Variants in BTBD9 observed in about 807,000 individuals in gnomAD.
BTBD9 encodes BTB/POZ domain-containing protein 9.
A neutral mutation model predicts 64.3 loss-of-function variants in BTBD9; 49 were observed. The ratio of observed to expected loss-of-function variants is 0.76; its 90% confidence interval spans 0.61 to 0.97. The LOEUF (loss-of-function observed/expected upper bound fraction) is 0.97, where lower values mean the gene tolerates loss of function less well. Among genes scored for constraint, BTBD9 ranks in the 50% least tolerant of loss-of-function variants. BTBD9 has a pLI of 0.00. For missense variants in BTBD9, 598 were observed against 762.1 expected, an observed-to-expected ratio of 0.78 and a Z score of 2.53; for synonymous variants, 260 against 274.7, an observed-to-expected ratio of 0.95 and a Z score of 0.53.
chr6:38,615,805 G>A (rs1489746189), intron 1 of BTBD9, among the ~76,000 whole-genome samples: 1 of 152,202 alleles, frequency 6.6e-6, no homozygotes, highest in Non-Finnish European at 1.5e-5. Flanking sequence ...CAATACCTGT[G>A]TGAATGCTTA....
intron 1 of BTBD9, among the ~76,000 whole-genome samples, chr6:38,619,898 A>C (rs1467673765): frequency 6.6e-6 from 1 of 152,196 alleles, no homozygotes; most frequent in Non-Finnish European, 1.5e-5. Flanking sequence ...GGAGGGACAT[A>C]TTAGCCAAAG....
chr6:38,407,176 T>C (rs1248102983), intron 6 of BTBD9, among the ~76,000 whole-genome samples: 1 of 152,258 alleles, frequency 6.6e-6, no homozygotes, highest in Non-Finnish European at 1.5e-5. Context: ...ACATCTTAAC[T>C]GTTTAAACTT....
chr6:38,634,822 A>G (rs1778476353), intron 1 of BTBD9, among the ~76,000 whole-genome samples: 1 of 152,236 alleles, frequency 6.6e-6, no homozygotes, highest in Non-Finnish European at 1.5e-5. Flanking sequence ...GCATTATAAT[A>G]GATTCTGGAG....
At chr6:38,509,472 T>C (rs1025084762) in intron 6 of BTBD9, among the ~76,000 whole-genome samples, 2 of 152,200 alleles carry the variant, frequency 1.3e-5, no homozygotes, top group Non-Finnish European at 2.9e-5. Flanking sequence ...TTATAAATAC[T>C]GGCTGGAAAG....
chr6:38,225,995 G>A (rs989237017), intron 9 of BTBD9, among the ~76,000 whole-genome samples: 1 of 152,238 alleles, frequency 6.6e-6, no homozygotes, highest in Non-Finnish European at 1.5e-5. Context: ...GCCAAAGGTG[G>A]ATTAGCTTCT....
chr6:38,572,632 T>C (rs1033041164), intron 6 of BTBD9, among the ~76,000 whole-genome samples: 1 of 152,112 alleles, frequency 6.6e-6, no homozygotes, highest in Non-Finnish European at 1.5e-5. Context: ...CAGCTCATCA[T>C]AAATATGGCT....
chr6:38,189,098 G>A (rs1177516192), intron 10 of BTBD9, among the ~76,000 whole-genome samples: 2 of 152,230 alleles, frequency 1.3e-5, no homozygotes, highest in Non-Finnish European at 2.9e-5. Context: ...GCTCCATAGT[G>A]AGAGAGGTAC....
rs201354247 is a variant in BTBD9 at position 38,435,572 on chromosome 6, TTTCCTTCC to T, written c.1155-90487_1155-90480del. The stretch of plus-strand genomic sequence containing the variant: ...AGACCTACTTTTCTTTCTTTCCTTC[TTTCCTTCC>T]TTCTTTCTTTTCTTTTCCCTCCCTT... On this transcript the variant is annotated intron_variant, in intron 6 of 10. Transcript: ENST00000481247. 2.9e-4 allele frequency among the ~76,000 whole-genome samples: 43 copies of T among 150,418 alleles called. 3 individuals are homozygous for T. In the South Asian group the frequency reaches 8.7e-3, roughly 30 times the overall value.
chr6:38,596,319 G>C (rs936847497), intron 2 of BTBD9, among the ~76,000 whole-genome samples: 1 of 152,122 alleles, frequency 6.6e-6, no homozygotes, highest in Non-Finnish European at 1.5e-5. Context: ...GTCAATAAGC[G>C]GGGGGAGTAT....
chr6:38,533,531 T>C (rs1073900), intron 6 of BTBD9, among the ~76,000 whole-genome samples: 31,204 of 152,206 alleles, frequency 0.21, 3,686 homozygotes, highest in Non-Finnish European at 0.29. Context: ...TCTGCACTTA[T>C]AGACCAAATG....
At chr6:38,507,613 A>C (rs1341493386) in intron 6 of BTBD9, among the ~76,000 whole-genome samples, 1 of 152,076 alleles carries the variant, frequency 6.6e-6, no homozygotes, top group Non-Finnish European at 1.5e-5. Flanking sequence ...TTTCCTTCTC[A>C]AAAAGTTCTC....
At chr6:38,574,523 G>A (rs1775938912) in intron 6 of BTBD9, among the ~76,000 whole-genome samples, 1 of 152,106 alleles carries the variant, frequency 6.6e-6, no homozygotes, top group South Asian at 2.1e-4. Context: ...AGGATGGCAG[G>A]GATGACTCTC....
chr6:38,622,240 G>A (rs1778009843), intron 1 of BTBD9, among the ~76,000 whole-genome samples: 1 of 152,208 alleles, frequency 6.6e-6, no homozygotes, highest in Non-Finnish European at 1.5e-5. Context: ...ACTATCCCGG[G>A]GAGCACTGGC....
chr6:38,589,517 C>T (rs1776700179), intron 4 of BTBD9, among the ~76,000 whole-genome samples: 1 of 152,170 alleles, frequency 6.6e-6, no homozygotes, highest in Non-Finnish European at 1.5e-5. Context: ...CTTCACTTGC[C>T]ATCCTCCCAC....
chr6:38,630,643 AAAC>A (rs1201564821), intron 1 of BTBD9, among the ~76,000 whole-genome samples: 1 of 152,240 alleles, frequency 6.6e-6, no homozygotes, highest in Non-Finnish European at 1.5e-5. Flanking sequence ...TTAAAATTAA[AAAC>A]TAGAATAAAA....
intron 6 of BTBD9, among the ~76,000 whole-genome samples, chr6:38,570,445 T>G (rs968150601): frequency 6.6e-6 from 1 of 152,198 alleles, no homozygotes; most frequent in East Asian, 1.9e-4. Context: ...TACAGGACTA[T>G]TGTAAGAATT....
At chr6:38,314,625 C>T (rs905699500) in intron 7 of BTBD9, among the ~76,000 whole-genome samples, 7 of 151,844 alleles carry the variant, frequency 4.6e-5, no homozygotes, top group Non-Finnish European at 8.8e-5. Flanking sequence ...TCTTTTCTTT[C>T]TTTGGGAGAC....
At chr6:38,285,846 G>A (rs1761708113) in intron 8 of BTBD9, among the ~76,000 whole-genome samples, 1 of 152,048 alleles carries the variant, frequency 6.6e-6, no homozygotes, top group Non-Finnish European at 1.5e-5. Flanking sequence ...GGCTATCAGG[G>A]GTGCCAGAAG....
rs1562457086 is a variant in BTBD9 at position 38,639,908 on chromosome 6, T to TCGCCGCCGCCCC, written c.-148_-137dup. On this transcript the variant is annotated 5_prime_UTR_variant, in exon 1 of 11. Transcript: ENST00000481247. ...TTGGCCGCTTCCGTGGCCGCCGTCC[T>TCGCCGCCGCCCC]CGCCGCCGCCCCGGCTGCTGCGGCG... 1 of 152,328 alleles carries TCGCCGCCGCCCC rather than the reference T, an allele frequency of 6.6e-6. No homozygotes were observed. The highest frequency in any genetic ancestry group is 1.5e-5 in the Non-Finnish European group (1 of 68,240). 9.4% of individuals were successfully genotyped at this position (152,328 alleles called of 1,614,324 possible). A position where few individuals can be genotyped will look rare whatever the true frequency, so the allele number is the denominator to read the frequency against.
Sources: allele counts gnomAD v4.1 joint callset (sites outside exome capture counted in the v4.1 genomes callset), GRCh38; gene constraint gnomAD v4.1.1; transcripts MANE v1.5; gene names NCBI Gene and HGNC (gene_info 2026-07-23, HGNC 2026-07-21).